The following FBLN5 variants were observed in gnomAD, a reference collection of about 807,000 sequenced individuals.
FBLN5 encodes the protein fibulin 5.
A neutral mutation model predicts 61.6 loss-of-function variants in FBLN5; 24 were observed. The observed-to-expected ratio is 0.39, with a 90% CI of 0.28 to 0.55. FBLN5 has a LOEUF of 0.55. Ranked by LOEUF, FBLN5 falls within the 20% of genes least tolerant of loss-of-function variation. The pLI is 0.65. For missense variants in FBLN5, 470 were observed against 594.1 expected, an observed-to-expected ratio of 0.79 and a Z score of 2.17; for synonymous variants, 213 against 219.8, an observed-to-expected ratio of 0.97 and a Z score of 0.27.
At chr14:91,881,548 C>A in intron 8 of FBLN5, 130 bp from the exon 9 acceptor site, 1 of 952,076 alleles carries the variant, frequency 1.1e-6, no homozygotes, top group South Asian at 1.3e-5. Context: ...CCATATGTGG[C>A]TACTGAGTAC....
chr14:91,912,230 C>CT (rs1362023245), intron 4 of FBLN5, among the ~76,000 whole-genome samples: 1 of 152,194 alleles, frequency 6.6e-6, no homozygotes, highest in East Asian at 1.9e-4. Flanking sequence ...GGTATGGTGA[C>CT]TCATGCCTGT....
chr14:91,883,472 C>T (rs1245009327), intron 7 of FBLN5, among the ~76,000 whole-genome samples: 1 of 151,836 alleles, frequency 6.6e-6, no homozygotes, highest in Admixed American at 6.6e-5. Context: ...TGGGGGTTTC[C>T]CAAAAAAACA....
Position 91,921,905 on chromosome 14 carries a change from G to A in FBLN5, c.379+15042C>T, listed in dbSNP as rs57527558. Among the ~76,000 whole-genome samples, 308 of 152,296 alleles carry A rather than the reference G, an allele frequency of 2.0e-3. 1 individual carries two copies. The highest frequency in any genetic ancestry group is 6.8e-3 in the African/African-American group (284 of 41,562). On this transcript the variant is annotated intron_variant, in intron 4 of 10. Transcript: ENST00000342058. ...GACCAACCAGGGCACGTCGTGGGAT[G>A]GCCTAAAAGGGCCTAAAGCTGGCGG...
intron 4 of FBLN5, among the ~76,000 whole-genome samples, chr14:91,930,765 T>C (rs2055908913): frequency 6.6e-6 from 1 of 152,178 alleles, no homozygotes; most frequent in Non-Finnish European, 1.5e-5. Flanking sequence ...CCCACTTTTC[T>C]GTCTCACAAT....
At chr14:91,919,378 A>AAGAAAGGAAGGAAGG (rs762859114) in intron 4 of FBLN5, among the ~76,000 whole-genome samples, 4 of 62,214 alleles carry the variant, frequency 6.4e-5, no homozygotes, top group African/African-American at 1.1e-4. Context: ...AAAGAAAAGA[A>AAGAAAGGAAGGAAGG]AAGAAAGAAA....
At chr14:91,872,776 C>A (rs997345504) in intron 10 of FBLN5, among the ~76,000 whole-genome samples, 1 of 152,308 alleles carries the variant, frequency 6.6e-6, no homozygotes, top group African/African-American at 2.4e-5. Context: ...GAAACCTGAG[C>A]CCTGGGCCAG....
At chr14:91,930,363 G>C (rs1214911070) in intron 4 of FBLN5, among the ~76,000 whole-genome samples, 1 of 152,130 alleles carries the variant, frequency 6.6e-6, no homozygotes, top group Non-Finnish European at 1.5e-5. Context: ...CAGCAAGGTG[G>C]GAAACCTGGG....
chr14:91,894,508 C>A (rs1296865448), intron 5 of FBLN5, among the ~76,000 whole-genome samples: 1 of 150,712 alleles, frequency 6.6e-6, no homozygotes, highest in Non-Finnish European at 1.5e-5. Flanking sequence ...ATGACTTGAG[C>A]CCAGGAGTTC....
At chr14:91,910,264 C>T (rs1440663812) in intron 4 of FBLN5, among the ~76,000 whole-genome samples, 2 of 152,102 alleles carry the variant, frequency 1.3e-5, no homozygotes, top group African/African-American at 4.8e-5. Context: ...AAGTGAAACA[C>T]GCCACTCACA....
At chr14:91,881,566 G>A (rs1422881300) in intron 8 of FBLN5, 148 bp from the exon 9 acceptor site, 1 of 840,884 alleles carries the variant, frequency 1.2e-6, no homozygotes. Flanking sequence ...TACTTGGAAT[G>A]TGGCTGATCC....
Position 91,891,416 on chromosome 14 carries a change from G to A in FBLN5, c.503-79C>T, listed in dbSNP as rs1889991108. ...CCCACTAGCATGGCATGATTGCCTT[G>A]CTCTTCCCAAACAGGATCATGAACG... On this transcript the variant is annotated intron_variant, in intron 5 of 10. Transcript: ENST00000342058. 4 of 921,126 alleles carry A rather than the reference G, an allele frequency of 4.3e-6. No individual in the cohort carries two copies. In the Admixed American group the frequency reaches 6.8e-5, roughly 16 times the overall value. The allele number at this position is 921,126 out of a possible 1,614,324, so 57.1% of individuals were successfully genotyped here.
intron 4 of FBLN5, among the ~76,000 whole-genome samples, chr14:91,910,779 T>TGGGGAGAAAGGGATGGC (rs1388864679): frequency 6.6e-6 from 1 of 151,760 alleles, no homozygotes; most frequent in Non-Finnish European, 1.5e-5. Flanking sequence ...GGTAGAGTGC[T>TGGGGAGAAAGGGATGGC]GGGGAGAAAG....
intron 6 of FBLN5, among the ~76,000 whole-genome samples, chr14:91,889,959 A>T (rs1248450072): frequency 6.6e-6 from 1 of 151,976 alleles, no homozygotes; most frequent in East Asian, 1.9e-4. Flanking sequence ...TGTGGCTGGC[A>T]CCTCCAATCC....
intron 4 of FBLN5, among the ~76,000 whole-genome samples, chr14:91,904,362 G>A (rs1890586913): frequency 6.6e-6 from 1 of 152,164 alleles, no homozygotes; most frequent in South Asian, 2.1e-4. Flanking sequence ...AGAGGATGAA[G>A]AATATCTAGT....
chr14:91,908,090 C>G (rs1304962816), intron 4 of FBLN5, among the ~76,000 whole-genome samples: 1 of 152,166 alleles, frequency 6.6e-6, no homozygotes, highest in Admixed American at 6.5e-5. Context: ...AATGCTTTTC[C>G]AATCAGTGTT....
At chr14:91,945,706 C>T (rs551458328) in intron 1 of FBLN5, among the ~76,000 whole-genome samples, 61 of 152,240 alleles carry the variant, frequency 4.0e-4, no homozygotes, top group African/African-American at 1.4e-3. Context: ...TTAGGAGATG[C>T]GAGGCCATTT....
At chr14:91,877,378 T>G (rs1889215598) in intron 10 of FBLN5, 109 bp downstream of exon 10, 1 of 902,318 alleles carries the variant, frequency 1.1e-6, no homozygotes, top group Admixed American at 1.7e-5. Flanking sequence ...TCTCTCTGCC[T>G]ACCTGTCCCC....
chr14:91,871,853 TAAA>T (rs111668602), intron 10 of FBLN5, among the ~76,000 whole-genome samples: 2 of 132,864 alleles, frequency 1.5e-5, no homozygotes, highest in Non-Finnish European at 3.2e-5. Flanking sequence ...AGACTCCAGC[TAAA>T]AAAAAAAAAA....
chr14:91,938,748 C>T (rs1454825620), intron 3 of FBLN5, among the ~76,000 whole-genome samples: 6 of 152,162 alleles, frequency 3.9e-5, no homozygotes, highest in African/African-American at 4.8e-5. Flanking sequence ...CTGCTCTGTG[C>T]GGGGCTAGAG....
Sources: gnomAD v4.1 joint callset for allele counts (sites outside exome capture counted in the v4.1 genomes callset) on GRCh38, gnomAD v4.1.1 for gene constraint, MANE v1.5 for transcripts, NCBI Gene and HGNC (gene_info 2026-07-23, HGNC 2026-07-21) for gene names.